The following WDR11 variants were observed in gnomAD, a reference collection of about 807,000 sequenced individuals.
The protein encoded by WDR11 is WD repeat-containing protein 11.
A neutral mutation model predicts 151.2 loss-of-function variants in WDR11; 83 were observed. That is an observed-to-expected ratio of 0.55 (90% confidence interval 0.46 to 0.66). The LOEUF (loss-of-function observed/expected upper bound fraction) is 0.66. Among genes scored for constraint, WDR11 ranks in the 30% least tolerant of loss-of-function variants. The pLI is 0.00. For missense variants in WDR11, 1,301 were observed against 1,480.9 expected (o/e 0.88, Z 1.99); for synonymous variants, 484 against 533.1 (o/e 0.91, Z 1.27).
At position 120,873,844 on chromosome 10, in the gene WDR11, A is replaced by G. The variant is rs1364292578; in HGVS notation, c.1477A>G (p.Ser493Gly). ...CCATGATGTCATTTTGAAAGGTACA[A>G]GTAATGGTTCTGTCCTGGTGTACCA... The part of the protein sequence containing the change: ...MYQPLLAVGT[S>G]NGSVLVYHLT... Residue 493 changes from serine to glycine, a missense_variant, in exon 11 of 29, where the codon AGT becomes GGT. By Grantham distance (56) the Ser-to-Gly change is moderately conservative. Coordinates refer to ENST00000263461, the MANE Select transcript of WDR11 (RefSeq NM_018117.12). 1 of 1,610,942 alleles carries G rather than the reference A, an allele frequency of 6.2e-7. No homozygotes were observed.
Position 120,890,945 on chromosome 10 carries a change from T to A in WDR11, c.2515+58T>A. 1.3e-5 allele frequency: 21 copies of A among 1,569,850 alleles called. No homozygotes were observed. The South Asian group carries it at 2.2e-4, about 17-fold the overall frequency. On this transcript the variant is annotated intron_variant, in intron 19 of 28. Transcript: ENST00000263461. The stretch of plus-strand genomic sequence containing the variant: ...CCTGTCTTTACTTTGCCACAAGCTC[T>A]TGTATTTTGGGGAGAGAGCTGCTGC...
At chr10:120,891,253 T>C (rs1207410687) in intron 19 of WDR11, among the ~76,000 whole-genome samples, 1 of 152,218 alleles carries the variant, frequency 6.6e-6, no homozygotes, top group African/African-American at 2.4e-5. Flanking sequence ...AATAATGGCC[T>C]TATGTCTTTT....
In WDR11 at chr10:120,908,842, A is replaced by C. The variant is rs1554862572; in HGVS notation, c.*129A>C. On this transcript the variant is annotated 3_prime_UTR_variant, in exon 29 of 29. Coordinates refer to ENST00000263461, the MANE Select transcript of WDR11 (RefSeq NM_018117.12). The stretch of plus-strand genomic sequence containing the variant: ...CTGTGAGCTGTTTGACCACTGTTCT[A>C]AGACTATGTGTGCCCAAAAGCACAT... 1.1e-6 allele frequency: 1 copy of C among 914,008 alleles called. No individual in the cohort carries two copies. The highest frequency in any genetic ancestry group is 1.4e-5 in the South Asian group (1 of 73,058). The allele number at this position is 914,008 out of a possible 1,614,324, so 56.6% of individuals were successfully genotyped here. A position where few individuals can be genotyped will look rare whatever the true frequency, so the allele number is the denominator to read the frequency against.
intron 25 of WDR11, 54 bp downstream of exon 25, chr10:120,904,865 C>T (rs1224593701): frequency 6.3e-7 from 1 of 1,599,838 alleles, no homozygotes; most frequent in African/African-American, 1.3e-5. Context: ...ACCTTGTTCC[C>T]AGCAAAGTAT....
chr10:120,904,783 G>C lies in WDR11; in HGVS notation c.3165G>C (p.Thr1055=), dbSNP rs376429849. 1.2e-6 allele frequency: 2 copies of C among 1,614,024 alleles called. No individual in the cohort carries two copies. The highest frequency in any genetic ancestry group is 1.7e-6 in the Non-Finnish European group (2 of 1,180,034). The part of the protein sequence containing the change: ...PSQSTIKLVA[T]NMIANGKLAE... ...AGAGCACCATTAAGTTGGTGGCAAC[G>C]AATATGATTGCCAATGGCAAATTGG... The change falls in exon 25 of 29, where the codon ACG becomes ACC. Residue 1055 remains threonine (T), a synonymous_variant. Coordinates refer to ENST00000263461, the MANE Select transcript of WDR11 (RefSeq NM_018117.12).
chr10:120,874,129 G>A (rs1846646175), intron 11 of WDR11, among the ~76,000 whole-genome samples: 2 of 143,484 alleles, frequency 1.4e-5, no homozygotes, highest in Admixed American at 1.4e-4. Context: ...AGTAGAGAAT[G>A]TTTTCTCTTT....
rs1481861617 is a variant in WDR11 at position 120,880,827 on chromosome 10, T to C, written c.1665T>C (p.Gly555=). ...TTTTTTAAATATTTGCAATTAAAGG[T>C]AGGAGCATTGCTTTTCGTGGTGAAA... ...NELQLVDLPT[G]RSIAFRGERG... Residue 555 remains glycine, a splice_region_variant and synonymous_variant, in exon 13 of 29, where the codon GGT becomes GGC. Coordinates refer to ENST00000263461, the MANE Select transcript of WDR11 (RefSeq NM_018117.12). 2 of 1,601,412 alleles carry C rather than the reference T, an allele frequency of 1.2e-6. No homozygotes were observed. The highest frequency in any genetic ancestry group is 1.7e-6 in the Non-Finnish European group (2 of 1,171,878).
In WDR11 at chr10:120,865,198, G is replaced by C; in HGVS notation, c.865G>C (p.Val289Leu). Residue 289 changes from valine (V) to leucine (L), a missense_variant, in exon 6 of 29, where the codon GTT (valine) becomes CTT (leucine). Coordinates refer to ENST00000263461, the MANE Select transcript of WDR11 (RefSeq NM_018117.12). ...TGTGATTGCAATAGAACGCACAGGA[G>C]TTCCATTTTTACAGGTATCTACAAT... ...VGVIAIERTGVPFLQVIPCFQ... is the reference protein window; with the variant it reads ...VGVIAIERTGLPFLQVIPCFQ... The C allele has an allele frequency of 6.2e-7, 1 of 1,613,800 alleles. No individual in the cohort carries two copies. The highest frequency in any genetic ancestry group is 8.5e-7 in the Non-Finnish European group (1 of 1,179,808).
At chr10:120,903,673 C>T (rs1484661377) in intron 23 of WDR11, among the ~76,000 whole-genome samples, 2 of 152,052 alleles carry the variant, frequency 1.3e-5, no homozygotes, top group Non-Finnish European at 2.9e-5. Context: ...ACATTTTTAA[C>T]TTGGCTTCAT....
chr10:120,880,811 T>C lies in WDR11; in HGVS notation c.1664-15T>C. On this transcript the variant is annotated splice_polypyrimidine_tract_variant and intron_variant, in intron 12 of 28. Transcript: ENST00000263461. Reference sequence around the variant, plus strand: ...TATGCACTGTTCTCACTTTTTTAAATATTTGCAATTAAAGGTAGGAGCATT... The same window carrying C: ...TATGCACTGTTCTCACTTTTTTAAACATTTGCAATTAAAGGTAGGAGCATT... 6 of 1,592,050 alleles carry C rather than the reference T, an allele frequency of 3.8e-6. No individual in the cohort carries two copies. Among genetic ancestry groups the C allele is most frequent in the Non-Finnish European group, 5.1e-6 (6 of 1,165,458 alleles).
intron 3 of WDR11, 40 bp downstream of exon 3, chr10:120,858,836 A>G (rs1434135250): frequency 3.1e-6 from 5 of 1,613,372 alleles, no homozygotes; most frequent in Admixed American, 1.7e-5. Context: ...ATATTGATAC[A>G]CTTACTCTTG....
intron 2 of WDR11, among the ~76,000 whole-genome samples, chr10:120,857,074 T>G (rs1845972672): frequency 6.7e-6 from 1 of 148,848 alleles, no homozygotes; most frequent in Admixed American, 6.6e-5. Context: ...GAGCAAAGAT[T>G]ATCACATATA....
At chr10:120,854,643 C>A (rs1031821467) in intron 2 of WDR11, among the ~76,000 whole-genome samples, 1 of 152,138 alleles carries the variant, frequency 6.6e-6, no homozygotes, top group Non-Finnish European at 1.5e-5. Flanking sequence ...TTGTCCAAAT[C>A]CTCACCAACG....
At chr10:120,866,333 T>C (rs1468194370) in intron 7 of WDR11, among the ~76,000 whole-genome samples, 4 of 150,706 alleles carry the variant, frequency 2.7e-5, no homozygotes, top group South Asian at 2.1e-4. Context: ...TTTTAAAATA[T>C]TGAAAAAAGA....
intron 19 of WDR11, among the ~76,000 whole-genome samples, chr10:120,897,753 G>A (rs991548797): frequency 3.3e-5 from 5 of 152,138 alleles, no homozygotes; most frequent in Non-Finnish European, 7.3e-5. Context: ...ACATGACAAT[G>A]CAGTGTACCA....
At chr10:120,906,406 C>T in intron 27 of WDR11, 2 of 1,244,844 alleles carry the variant, frequency 1.6e-6, no homozygotes, top group Non-Finnish European at 2.0e-6. Context: ...GGAAGAGGAA[C>T]AACCATCACT....
intron 26 of WDR11, chr10:120,905,664 G>A (rs992675060): frequency 1.1e-5 from 10 of 910,286 alleles, no homozygotes; most frequent in Admixed American, 7.4e-5. Context: ...AGTCTGAGCC[G>A]AAACTACAGT....
At chr10:120,853,172 GCTAAAGATGGGA>G (rs1314016576) in intron 2 of WDR11, among the ~76,000 whole-genome samples, 1 of 152,172 alleles carries the variant, frequency 6.6e-6, no homozygotes, top group Non-Finnish European at 1.5e-5. Flanking sequence ...CATAAAGATG[GCTAAAGATGGGA>G]CACTTGTAGG....
chr10:120,855,220 A>G (rs1014429048), intron 2 of WDR11, among the ~76,000 whole-genome samples: 1 of 152,204 alleles, frequency 6.6e-6, no homozygotes, highest in Non-Finnish European at 1.5e-5. Flanking sequence ...ATATCACAAC[A>G]GTTGATCTGA....
Sources: gnomAD v4.1 joint callset for allele counts (sites outside exome capture counted in the v4.1 genomes callset) on GRCh38, gnomAD v4.1.1 for gene constraint, MANE v1.5 for transcripts, NCBI Gene and HGNC (gene_info 2026-07-23, HGNC 2026-07-21) for gene names.